The following SMARCA2 variants were observed in gnomAD, a reference collection of about 807,000 sequenced individuals.
SMARCA2 encodes the protein SWI/SNF related BAF chromatin remodeling complex subunit ATPase 2.
A neutral mutation model predicts 199.8 loss-of-function variants in SMARCA2; 61 were observed. The observed-to-expected ratio is 0.31, with a 90% CI of 0.25 to 0.38. The LOEUF (loss-of-function observed/expected upper bound fraction) is 0.38. SMARCA2 is among the 10% of genes least tolerant of loss of function. The pLI is 1.00. For missense variants in SMARCA2, 1,344 were observed against 2,012.2 expected (o/e 0.67, Z 6.35); for synonymous variants, 935 against 732.0 (o/e 1.28, Z -4.48).
intron 27 of SMARCA2, chr9:2,158,830 G>C (rs1017568116): frequency 1.0e-6 from 1 of 963,516 alleles, no homozygotes; most frequent in Non-Finnish European, 1.5e-6. Context: ...GAAGTGTTTA[G>C]TGAATTGATT....
chr9:2,032,929 C>T, intron 2 of SMARCA2, 23 bp from the exon 3 acceptor site: 1 of 1,609,750 alleles, frequency 6.2e-7, no homozygotes, highest in South Asian at 1.1e-5. Flanking sequence ...AGGTGTCTAA[C>T]TAATGTCCTT....
intron 27 of SMARCA2, among the ~76,000 whole-genome samples, chr9:2,147,190 A>G (rs1272152410): frequency 6.6e-6 from 1 of 150,882 alleles, no homozygotes; most frequent in Non-Finnish European, 1.5e-5. Context: ...TAGAAAAAGT[A>G]CAGAATCGAG....
chr9:2,063,606 A>G (rs1820695877), intron 9 of SMARCA2, among the ~76,000 whole-genome samples: 2 of 152,232 alleles, frequency 1.3e-5, no homozygotes, highest in South Asian at 2.1e-4. Flanking sequence ...CTGAGCTGGT[A>G]GCAACACTTG....
intron 33 of SMARCA2, 97 bp downstream of exon 33, chr9:2,191,505 A>G (rs1328230488): frequency 2.3e-6 from 3 of 1,305,598 alleles, no homozygotes; most frequent in African/African-American, 3.0e-5. Context: ...TCGCTTTATT[A>G]CCCAGGACTG....
intron 32 of SMARCA2, among the ~76,000 whole-genome samples, chr9:2,187,663 C>CAAAACTCTATCTAAAAAA (rs1168686386): frequency 5.3e-5 from 8 of 151,612 alleles, no homozygotes; most frequent in Admixed American, 4.6e-4. Flanking sequence ...GGCAACAGAA[C>CAAAACTCTATCTAAAAAA]AAAACTCTAT....
chr9:2,067,713 C>T (rs1174860640), intron 9 of SMARCA2, among the ~76,000 whole-genome samples: 1 of 152,206 alleles, frequency 6.6e-6, no homozygotes, highest in African/African-American at 2.4e-5. Context: ...AAGATTGAAA[C>T]ACAGTTTGTC....
intron 1 of SMARCA2, among the ~76,000 whole-genome samples, chr9:2,025,355 AT>A (rs1818783106): frequency 6.6e-6 from 1 of 152,090 alleles, no homozygotes; most frequent in Admixed American, 6.6e-5. Flanking sequence ...CCCCAGATAC[AT>A]TTTTGTCATT....
chr9:2,039,021 C>T lies in SMARCA2; in HGVS notation c.356-445C>T, dbSNP rs565743132. Among the ~76,000 whole-genome samples the T allele has an allele frequency of 9.9e-5, 15 of 152,250 alleles. No homozygotes were observed. Among genetic ancestry groups the T allele is most frequent in the South Asian group, 4.2e-4 (2 of 4,816 alleles). ...GTTAGTGGTGAACAACAACCACTAA[C>T]GGTTTACCTTCTAGGACACATGTAG... On this transcript the variant is annotated intron_variant, in intron 3 of 33. Coordinates refer to ENST00000349721, the MANE Select transcript of SMARCA2 (RefSeq NM_003070.5). The surrounding 1 kb of genome is among the most constrained non-coding windows in gnomAD (Gnocchi z 4.8).
intron 4 of SMARCA2, chr9:2,041,693 A>T: frequency 3.2e-6 from 1 of 315,460 alleles, no homozygotes; most frequent in East Asian, 5.0e-5. Flanking sequence ...GGCATTTGGT[A>T]GGTGGAGGAT....
intron 28 of SMARCA2, 124 bp downstream of exon 28, chr9:2,162,027 T>C: frequency 1.4e-6 from 1 of 689,884 alleles, no homozygotes; most frequent in Non-Finnish European, 2.4e-6. Flanking sequence ...GTTTGTGTTT[T>C]ATGGCTTTCT....
At chr9:2,041,492 A>G (rs1201481802) in intron 4 of SMARCA2, 4 of 398,258 alleles carry the variant, frequency 1.0e-5, no homozygotes, top group Admixed American at 8.8e-5. Flanking sequence ...ATGAATCCCA[A>G]TTATGAGGAC....
chr9:2,079,610 TG>T (rs34849399), intron 14 of SMARCA2, among the ~76,000 whole-genome samples: 13,783 of 152,232 alleles, frequency 0.091, 1,939 homozygotes, highest in African/African-American at 0.3. Context: ...TCCAAGATCT[TG>T]GGGGGCCCTG....
intron 32 of SMARCA2, among the ~76,000 whole-genome samples, chr9:2,186,661 A>G (rs945377534): frequency 4.6e-5 from 7 of 151,950 alleles, no homozygotes; most frequent in Non-Finnish European, 7.4e-5. Context: ...GAGTAGCTGG[A>G]ATTACAGGCG....
rs566074144 is a variant in SMARCA2 at position 2,059,504 on chromosome 9, A to G, written c.1521+1040A>G. Among the ~76,000 whole-genome samples, 12 of 152,322 alleles carry G rather than the reference A, an allele frequency of 7.9e-5. No homozygotes were observed. The South Asian group carries it at 2.5e-3, about 32-fold the overall frequency. On this transcript the variant is annotated intron_variant, in intron 8 of 33. Transcript: ENST00000349721. ...TAGTAATTTGATCACTAAGCAGTCAAATTTGTCTGACTCAACTGAAGTGAA... is the reference window on the plus strand; with the variant it reads ...TAGTAATTTGATCACTAAGCAGTCAGATTTGTCTGACTCAACTGAAGTGAA...
In SMARCA2 at chr9:2,123,677, A is replaced by G. The variant is rs1823563632; in HGVS notation, c.3763-42A>G. 1.3e-6 allele frequency: 2 copies of G among 1,569,170 alleles called. No individual in the cohort carries two copies. Among genetic ancestry groups the G allele is most frequent in the South Asian group, 1.1e-5 (1 of 88,828 alleles). ...TAGTGCTGGGAAGTCTGCACCATAC[A>G]GAAGCCCTGACTTTCGGTGACCCTC... is the stretch of plus-strand genomic sequence containing the variant. On this transcript the variant is annotated intron_variant, in intron 26 of 33. Coordinates refer to ENST00000349721, the MANE Select transcript of SMARCA2 (RefSeq NM_003070.5). The surrounding 1 kb of genome is among the most constrained non-coding windows in gnomAD (Gnocchi z 4.1).
chr9:2,137,952 T>C (rs1824281693), intron 27 of SMARCA2, among the ~76,000 whole-genome samples: 1 of 152,218 alleles, frequency 6.6e-6, no homozygotes, highest in South Asian at 2.1e-4. Flanking sequence ...ATGTAAAGAT[T>C]TCTTAAAATA....
At chr9:2,125,673 A>G (rs1044725937) in intron 27 of SMARCA2, among the ~76,000 whole-genome samples, 9 of 152,078 alleles carry the variant, frequency 5.9e-5, no homozygotes, top group African/African-American at 1.7e-4. Flanking sequence ...TATTTTTAGT[A>G]GAGACGGGGT....
intron 21 of SMARCA2, among the ~76,000 whole-genome samples, chr9:2,098,654 A>T (rs1822373209): frequency 1.3e-5 from 2 of 152,112 alleles, no homozygotes; most frequent in South Asian, 4.2e-4. Flanking sequence ...ACACTTTAAA[A>T]ATCTCATGGC....
Position 2,056,711 on chromosome 9 carries a change from A to G in SMARCA2, c.1213A>G (p.Thr405Ala). The change falls in exon 7 of 34, where the codon ACC becomes GCC. Residue 405 changes from threonine (T) to alanine (A), a missense_variant. Physicochemically the swap from Thr to Ala is moderately conservative, Grantham distance 58 (BLOSUM62 0). Around this residue, in one of 18 missense-constraint regions of SMARCA2, gnomAD observed 155 missense variants for 260.0 expected, o/e 0.60. Coordinates refer to ENST00000349721, the MANE Select transcript of SMARCA2 (RefSeq NM_003070.5). The surrounding 1 kb of genome is among the most constrained non-coding windows in gnomAD (Gnocchi z 4.0). ...GGTGGCCTGCATGCGCAGGGACACG[A>G]CCCTGGAGACGGCTCTCAACTCCAA... Reference protein sequence around the residue: ...EVVACMRRDTTLETALNSKAY... With the variant: ...EVVACMRRDTALETALNSKAY... 2 of 1,614,152 alleles carry G rather than the reference A, an allele frequency of 1.2e-6. No individual in the cohort carries two copies. Among genetic ancestry groups the G allele is most frequent in the Non-Finnish European group, 1.7e-6 (2 of 1,180,008 alleles).
Sources: allele counts gnomAD v4.1 joint callset (sites outside exome capture counted in the v4.1 genomes callset), GRCh38; gene constraint gnomAD v4.1.1; regional missense constraint gnomAD v4.1.1; non-coding constraint Gnocchi (gnomAD v3.1); transcripts MANE v1.5; gene names NCBI Gene and HGNC (gene_info 2026-07-23, HGNC 2026-07-21).